The following SOX5 variants were observed in gnomAD, a reference collection of about 807,000 sequenced individuals.
SOX5 encodes the protein SRY-box transcription factor 5.
In SOX5, 9 loss-of-function variants were observed where a neutral mutation model predicts 92.0. The ratio of observed to expected loss-of-function variants is 0.10; its 90% CI spans 0.06 to 0.17. SOX5 has a LOEUF of 0.17. SOX5 is among the 10% of genes least tolerant of loss of function. The pLI is 1.00. For synonymous variants in SOX5, 344 were observed against 336.3 expected (o/e 1.02, Z -0.25); for missense variants, 642 against 944.5 (o/e 0.68, Z 4.20).
chr12:24,033,268 G>A (rs1482775915), intron 4 of SOX5, among the ~76,000 whole-genome samples: 1 of 151,844 alleles, frequency 6.6e-6, no homozygotes, highest in Middle Eastern at 3.2e-3. Flanking sequence ...TCCTAAAATT[G>A]TAAGTTAAAT....
chr12:24,440,497 T>A (rs537326855), intron 1 of SOX5, among the ~76,000 whole-genome samples: 1 of 152,170 alleles, frequency 6.6e-6, no homozygotes, highest in South Asian at 2.1e-4. Context: ...TACCTTTGCA[T>A]GCTTAGGTCG....
intron 4 of SOX5, among the ~76,000 whole-genome samples, chr12:24,211,995 G>A (rs1010466673): frequency 6.6e-6 from 1 of 152,084 alleles, no homozygotes; most frequent in Admixed American, 6.6e-5. Context: ...TAAAAATTTG[G>A]GAATGTTTAT....
intron 1 of SOX5, among the ~76,000 whole-genome samples, chr12:24,388,354 T>G (rs540877781): frequency 6.2e-4 from 95 of 152,076 alleles, no homozygotes; most frequent in African/African-American, 2.2e-3. Context: ...GGCTTCTGAT[T>G]GGGTTTTGAA....
chr12:24,397,207 CT>C (rs971337091), intron 1 of SOX5, among the ~76,000 whole-genome samples: 12 of 151,092 alleles, frequency 7.9e-5, no homozygotes, highest in African/African-American at 1.2e-4. Flanking sequence ...TTCTTCCTCC[CT>C]TTTTTTTTCT....
At chr12:24,560,748 G>T (rs938200588) in intron 1 of SOX5, among the ~76,000 whole-genome samples, 7 of 152,124 alleles carry the variant, frequency 4.6e-5, no homozygotes, top group African/African-American at 1.7e-4. Context: ...AAACATTTCC[G>T]TATACTTTAA....
At chr12:24,343,785 G>A (rs1239962716) in intron 2 of SOX5, among the ~76,000 whole-genome samples, 1 of 152,130 alleles carries the variant, frequency 6.6e-6, no homozygotes, top group Non-Finnish European at 1.5e-5. Context: ...CTGATTTGTG[G>A]GGAAGGACCA....
chr12:23,718,806 A>C (rs1005804304), intron 6 of SOX5, among the ~76,000 whole-genome samples: 16 of 152,230 alleles, frequency 1.1e-4, no homozygotes, highest in Non-Finnish European at 1.9e-4. Context: ...ATGGCTGCTA[A>C]TGCAGCTACA....
chr12:24,295,383 A>C (rs1416553309), intron 2 of SOX5, among the ~76,000 whole-genome samples: 2 of 152,212 alleles, frequency 1.3e-5, no homozygotes, highest in Non-Finnish European at 2.9e-5. Flanking sequence ...GTTAAGAAAC[A>C]ATGCATGTAC....
At chr12:23,976,648 G>A (rs145282940) in intron 4 of SOX5, among the ~76,000 whole-genome samples, 49 of 152,172 alleles carry the variant, frequency 3.2e-4, no homozygotes, top group Non-Finnish European at 6.0e-4. Flanking sequence ...ACATTCACTC[G>A]AAGGTGGATT....
At chr12:24,067,599 A>T (rs1170078601) in intron 4 of SOX5, among the ~76,000 whole-genome samples, 2 of 152,140 alleles carry the variant, frequency 1.3e-5, no homozygotes, top group Non-Finnish European at 2.9e-5. Context: ...ATGCTTTATC[A>T]CTCCCTAGAA....
intron 2 of SOX5, among the ~76,000 whole-genome samples, chr12:23,893,614 T>A (rs2097150166): frequency 6.6e-6 from 1 of 152,222 alleles, no homozygotes; most frequent in Non-Finnish European, 1.5e-5. Context: ...CTAGTCATAA[T>A]TATCTACATT....
rs1595412809 is a variant in SOX5 at position 23,890,435 on chromosome 12, T to G, written c.270+5358A>C. On this transcript the variant is annotated intron_variant, in intron 2 of 14. Transcript: ENST00000451604. ...TATTTAAAAAAATGACAACTGATTA[T>G]TCAACAACCACAGGTGGTCAAGACT... is the stretch of plus-strand genomic sequence containing the variant. Among the ~76,000 whole-genome samples, 5 of 152,312 alleles carry G rather than the reference T, an allele frequency of 3.3e-5. No homozygotes were observed. The Middle Eastern group carries it at 0.017, about 518-fold the overall frequency.
intron 4 of SOX5, among the ~76,000 whole-genome samples, chr12:24,044,262 C>T (rs1027748090): frequency 6.7e-6 from 1 of 149,906 alleles, no homozygotes; most frequent in African/African-American, 2.4e-5. Context: ...AATGCCTCAG[C>T]GGAGAAGCTT....
intron 11 of SOX5, 80 bp from the exon 12 acceptor site, chr12:23,546,504 A>ATACAT (rs1943156463): frequency 1.3e-6 from 1 of 758,414 alleles, no homozygotes; most frequent in African/African-American, 1.8e-5. Context: ...CACATATATA[A>ATACAT]TACATTAACT....
intron 4 of SOX5, among the ~76,000 whole-genome samples, chr12:24,086,263 G>C (rs923762277): frequency 6.6e-6 from 1 of 151,660 alleles, no homozygotes; most frequent in Non-Finnish European, 1.5e-5. Flanking sequence ...TTGAAAATCT[G>C]TGAAGTATAA....
chr12:24,104,309 G>C (rs1946426882), intron 4 of SOX5, among the ~76,000 whole-genome samples: 1 of 152,086 alleles, frequency 6.6e-6, no homozygotes, highest in African/African-American at 2.4e-5. Flanking sequence ...TTCATTTTAA[G>C]TGGTAAGAAA....
At chr12:23,876,394 T>C (rs10743482) in intron 2 of SOX5, among the ~76,000 whole-genome samples, 103,392 of 152,114 alleles carry the variant, frequency 0.68, 35,265 homozygotes, top group East Asian at 0.89. Context: ...CATTATTGGT[T>C]ATTAGAGAAA....
rs776422045 is a variant in SOX5, at chr12:23,911,810, G to A, written c.39-15786C>T. ...CACCAAAACAACACACTATTGGACC[G>A]TAGACATATATGTAAGAGCTAAAAC... On this transcript the variant is annotated intron_variant, in intron 1 of 14. Coordinates refer to ENST00000451604, the MANE Select transcript of SOX5 (RefSeq NM_006940.6). Among the ~76,000 whole-genome samples the A allele has an allele frequency of 3.9e-5, 6 of 152,060 alleles. No individual in the cohort carries two copies. In the East Asian group the frequency reaches 7.7e-4, roughly 20 times the overall value.
At chr12:23,658,097 TCA>T (rs2082545566) in intron 7 of SOX5, among the ~76,000 whole-genome samples, 1 of 152,176 alleles carries the variant, frequency 6.6e-6, no homozygotes, top group African/African-American at 2.4e-5. Context: ...AGTTATCATC[TCA>T]CAGTTATAAT....
Sources: gnomAD v4.1 joint callset for allele counts (sites outside exome capture counted in the v4.1 genomes callset) on GRCh38, gnomAD v4.1.1 for gene constraint, MANE v1.5 for transcripts, NCBI Gene and HGNC (gene_info 2026-07-23, HGNC 2026-07-21) for gene names.